Variants in SSH2 observed in about 807,000 individuals in gnomAD.
SSH2 encodes slingshot protein phosphatase 2.
In SSH2, 37 loss-of-function variants were observed where a neutral mutation model predicts 135.2. The ratio of observed to expected loss-of-function variants is 0.27; its 90% CI spans 0.21 to 0.36. The LOEUF is 0.36. SSH2 is among the 10% of genes least tolerant of loss of function. The pLI, the probability that SSH2 is intolerant of heterozygous loss-of-function variation, is 1.00. For synonymous variants in SSH2, 628 were observed against 646.2 expected (o/e 0.97, Z 0.43); for missense variants, 1,408 against 1,765.3 (o/e 0.80, Z 3.63).
chr17:29,754,939 G>A (rs114644971), intron 3 of SSH2, among the ~76,000 whole-genome samples: 2,037 of 152,248 alleles, frequency 0.013, 41 homozygotes, highest in African/African-American at 0.047. Flanking sequence ...GATTATAGGC[G>A]TGAGCCACTG....
rs372212442 is a variant in SSH2, at chr17:29,917,521, G to A, written c.63+12417C>T. ...ATATCATCCCTCAGTGTTTGAGAAG[G>A]CTCTCAACAAACTTCTGCTGAACTG... On this transcript the variant is annotated intron_variant, in intron 1 of 15. Transcript: ENST00000540801. Among the ~76,000 whole-genome samples, 20 of 152,262 alleles carry A rather than the reference G, an allele frequency of 1.3e-4. No homozygotes were observed. In the East Asian group the frequency reaches 2.5e-3, roughly 19 times the overall value.
At chr17:29,716,789 T>C (rs74611003) in intron 3 of SSH2, 2 of 417,172 alleles carry the variant, frequency 4.8e-6, no homozygotes, top group East Asian at 1.2e-4. Flanking sequence ...CCCTTGCCAG[T>C]CAATTTTTCT....
At chr17:29,677,150 C>A (rs1462407413) in intron 7 of SSH2, among the ~76,000 whole-genome samples, 1 of 152,072 alleles carries the variant, frequency 6.6e-6, no homozygotes, top group African/African-American at 2.4e-5. Context: ...TAGCTATGGA[C>A]AAACTGTTCT....
intron 1 of SSH2, among the ~76,000 whole-genome samples, chr17:29,881,709 C>T (rs1055932221): frequency 9.9e-5 from 15 of 152,062 alleles, no homozygotes; most frequent in Non-Finnish European, 1.8e-4. Flanking sequence ...ACCATGTTGA[C>T]CAGGCTGGTC....
chr17:29,673,546 GGTGACAGA>G (rs2037581416), intron 8 of SSH2, among the ~76,000 whole-genome samples: 1 of 151,662 alleles, frequency 6.6e-6, no homozygotes, highest in Non-Finnish European at 1.5e-5. Context: ...CTCCAGCCTG[GGTGACAGA>G]GTGAGACACA....
rs1448629850 is a variant in SSH2, at chr17:29,898,577, C to A, written c.63+31361G>T. 6.6e-5 allele frequency among the ~76,000 whole-genome samples: 10 copies of A among 152,206 alleles called. No individual in the cohort carries two copies. The South Asian group carries it at 1.0e-3, about 16-fold the overall frequency. ...CACATACACCCTCCCAAGACTACAC[C>A]AGGAAGAAGCTGAATCTCTGAATAG... is the stretch of plus-strand genomic sequence containing the variant. On this transcript the variant is annotated intron_variant, in intron 1 of 15. Coordinates refer to ENST00000540801, the MANE Select transcript of SSH2 (RefSeq NM_001282129.2).
At chr17:29,669,599 A>C (rs1013823245) in intron 9 of SSH2, among the ~76,000 whole-genome samples, 3 of 152,182 alleles carry the variant, frequency 2.0e-5, no homozygotes, top group African/African-American at 7.2e-5. Flanking sequence ...ATATAAAGTA[A>C]ATAAAAACCA....
intron 2 of SSH2, among the ~76,000 whole-genome samples, chr17:29,828,639 G>C (rs2042785736): frequency 6.6e-6 from 1 of 152,164 alleles, no homozygotes; most frequent in South Asian, 2.1e-4. Flanking sequence ...ATTGCTGAAT[G>C]AAATAAATCA....
intron 2 of SSH2, among the ~76,000 whole-genome samples, chr17:29,847,980 A>G (rs753283641): frequency 3.8e-4 from 58 of 152,312 alleles, no homozygotes; most frequent in Non-Finnish European, 6.5e-4. Context: ...GACTCTGGGT[A>G]CACTATCTAT....
At chr17:29,901,293 AAT>A (rs2066549245) in intron 1 of SSH2, among the ~76,000 whole-genome samples, 1 of 151,798 alleles carries the variant, frequency 6.6e-6, no homozygotes, top group African/African-American at 2.4e-5. Context: ...AAAAAAAAAC[AAT>A]GTTTTCTCTC....
intron 12 of SSH2, among the ~76,000 whole-genome samples, chr17:29,651,264 G>A (rs1272303856): frequency 1.3e-5 from 2 of 152,112 alleles, no homozygotes; most frequent in Non-Finnish European, 2.9e-5. Flanking sequence ...AATGAATAAC[G>A]ATTTCTTCCT....
At chr17:29,876,594 T>C (rs950750864) in intron 1 of SSH2, among the ~76,000 whole-genome samples, 1 of 151,286 alleles carries the variant, frequency 6.6e-6, no homozygotes, top group Non-Finnish European at 1.5e-5. Context: ...TGCCTGCGAG[T>C]TAAACCTCAA....
At chr17:29,843,608 T>C (rs1018938747) in intron 2 of SSH2, among the ~76,000 whole-genome samples, 3 of 151,968 alleles carry the variant, frequency 2.0e-5, no homozygotes, top group African/African-American at 7.2e-5. Context: ...TAAGTGTAGT[T>C]TTCCTTTCTG....
intron 2 of SSH2, among the ~76,000 whole-genome samples, chr17:29,833,231 A>G (rs1007486583): frequency 2.0e-5 from 3 of 151,922 alleles, no homozygotes; most frequent in Non-Finnish European, 4.4e-5. Flanking sequence ...TCTCTCTTTC[A>G]CTCTAATAAT....
chr17:29,684,659 T>C lies in SSH2; in HGVS notation c.383A>G (p.Gln128Arg). Reference sequence around the variant, plus strand: ...CACTACCATATAGCGTGTTCGATTCTGGTAAGTACTTTCCAGTCTTACAGC... The same window carrying C: ...CACTACCATATAGCGTGTTCGATTCCGGTAAGTACTTTCCAGTCTTACAGC... ...RLAVRLESTY[Q>R]NRTRYMVVVS... Residue 128 changes from glutamine (Q) to arginine (R), a missense_variant, in exon 6 of 16, where the codon CAG becomes CGG. Physicochemically the swap from Gln to Arg is conservative, Grantham distance 43. Transcript: ENST00000540801. 1.2e-6 allele frequency: 2 copies of C among 1,612,956 alleles called. No individual in the cohort carries two copies. The highest frequency in any genetic ancestry group is 1.7e-6 in the Non-Finnish European group (2 of 1,179,388).
At chr17:29,884,788 C>G (rs775718918) in intron 1 of SSH2, among the ~76,000 whole-genome samples, 9 of 152,188 alleles carry the variant, frequency 5.9e-5, no homozygotes, top group Non-Finnish European at 1.3e-4. Context: ...TGTAATCTAT[C>G]TCATCCTGTC....
intron 2 of SSH2, among the ~76,000 whole-genome samples, chr17:29,827,305 A>C (rs1567998533): frequency 6.6e-6 from 1 of 152,220 alleles, no homozygotes; most frequent in East Asian, 1.9e-4. Context: ...GCTTCTTACT[A>C]GTAAAAGGCT....
rs36052713 is a variant in SSH2, at chr17:29,696,622, TAC to T, written c.293-1101_293-1100del. Among the ~76,000 whole-genome samples, 350 of 51,374 alleles carry T rather than the reference TAC, an allele frequency of 6.8e-3. 4 individuals are homozygous for T. Among genetic ancestry groups the T allele is most frequent in the Middle Eastern group, 0.044 (3 of 68 alleles). The allele number at this position is 51,374 out of a possible 152,430, so 33.7% of individuals were successfully genotyped here. On this transcript the variant is annotated intron_variant, in intron 4 of 15. Coordinates refer to ENST00000540801, the MANE Select transcript of SSH2 (RefSeq NM_001282129.2). ...TCAAAAACATATATACATATATATA[TAC>T]ACACACACACACACACACACACACC... is the stretch of plus-strand genomic sequence containing the variant.
At chr17:29,745,636 T>C (rs1392640901) in intron 3 of SSH2, among the ~76,000 whole-genome samples, 1 of 152,236 alleles carries the variant, frequency 6.6e-6, no homozygotes, top group African/African-American at 2.4e-5. Flanking sequence ...TATCTCTTAC[T>C]TCTTACACAG....
Sources: gnomAD v4.1 joint callset for allele counts (sites outside exome capture counted in the v4.1 genomes callset) on GRCh38, gnomAD v4.1.1 for gene constraint, MANE v1.5 for transcripts, NCBI Gene and HGNC (gene_info 2026-07-23, HGNC 2026-07-21) for gene names.